IQSEC1: variants seen among roughly 807,000 people sequenced by gnomAD.
The protein encoded by IQSEC1 is IQ motif and SEC7 domain-containing protein 1.
IQSEC1 carries 31 observed loss-of-function variants against 91.0 expected under a neutral mutation model. The observed-to-expected ratio is 0.34, with a 90% CI of 0.26 to 0.46. The LOEUF (loss-of-function observed/expected upper bound fraction) is 0.46. Ranked by LOEUF, IQSEC1 falls within the 20% of genes least tolerant of loss-of-function variation. The probability of loss-of-function intolerance (pLI) is 1.00; values close to 1 mark genes in which losing one functional copy is unlikely to be tolerated. For synonymous variants in IQSEC1, 699 were observed against 662.6 expected (o/e 1.05, Z -0.84); for missense variants, 1,388 against 1,575.6 (o/e 0.88, Z 2.02).
intron 1 of IQSEC1, among the ~76,000 whole-genome samples, chr3:13,205,448 G>A (rs1417659715): frequency 2.0e-5 from 3 of 151,890 alleles, no homozygotes; most frequent in Non-Finnish European, 4.4e-5. Flanking sequence ...GATGCTTCCG[G>A]ACCACCTCAT....
rs985116998 is a variant in IQSEC1, at chr3:12,900,786, C to T, written c.*197G>A. On this transcript the variant is annotated 3_prime_UTR_variant, in exon 14 of 14. Coordinates refer to ENST00000613206, the MANE Select transcript of IQSEC1 (RefSeq NM_001134382.3). Reference sequence around the variant, plus strand: ...AGGTGAGCAGAGCCCAGGGTGCCAACAAGAAATGAAATCTGGGCCTTTGTT... The same window carrying T: ...AGGTGAGCAGAGCCCAGGGTGCCAATAAGAAATGAAATCTGGGCCTTTGTT... The T allele has an allele frequency of 1.0e-5, 15 of 1,447,258 alleles. No individual in the cohort carries two copies. Among genetic ancestry groups the T allele is most frequent in the African/African-American group, 4.3e-5 (3 of 70,124 alleles). 89.7% of individuals were successfully genotyped at this position (1,447,258 alleles called of 1,614,324 possible).
chr3:12,924,441 C>T lies in IQSEC1; in HGVS notation c.1730+140G>A, dbSNP rs1454340338. 3 of 832,682 alleles carry T rather than the reference C, an allele frequency of 3.6e-6. No individual in the cohort carries two copies. Among genetic ancestry groups the T allele is most frequent in the African/African-American group, 3.5e-5 (2 of 56,728 alleles). 51.6% of individuals were successfully genotyped at this position (832,682 alleles called of 1,614,324 possible). On this transcript the variant is annotated intron_variant, in intron 4 of 13. Transcript: ENST00000613206. The surrounding 1 kb of genome is among the most constrained non-coding windows in gnomAD (Gnocchi z 6.3). ...GGCATCTGCATGTGTGTGTCTAGGACTTAGGAAGAGAGAAAGGGGGGCCCA... is the reference window on the plus strand; with the variant it reads ...GGCATCTGCATGTGTGTGTCTAGGATTTAGGAAGAGAGAAAGGGGGGCCCA...
At chr3:13,135,341 G>A (rs1706689535) in intron 2 of IQSEC1, among the ~76,000 whole-genome samples, 1 of 152,248 alleles carries the variant, frequency 6.6e-6, no homozygotes, top group South Asian at 2.1e-4. Flanking sequence ...TGGGGCTCAG[G>A]AGTGGAGCCT....
chr3:13,026,037 C>T (rs1052042784), intron 1 of IQSEC1, among the ~76,000 whole-genome samples: 4 of 152,232 alleles, frequency 2.6e-5, no homozygotes, highest in Admixed American at 6.5e-5. Context: ...GACTGCAGCT[C>T]CCAGGCTCCC....
chr3:12,996,823 T>C (rs1290003826), intron 1 of IQSEC1, among the ~76,000 whole-genome samples: 1 of 152,178 alleles, frequency 6.6e-6, no homozygotes, highest in Non-Finnish European at 1.5e-5. Context: ...ATTAAAGAAA[T>C]ACAAATCAAA....
chr3:13,261,812 A>G (rs987570402), intron 1 of IQSEC1, among the ~76,000 whole-genome samples: 46 of 152,258 alleles, frequency 3.0e-4, no homozygotes, highest in African/African-American at 1.0e-3. Flanking sequence ...ATGGCACTCA[A>G]TGCTACAAGC....
intron 1 of IQSEC1, chr3:13,042,513 G>A (rs1224055345): frequency 6.6e-6 from 1 of 152,378 alleles, no homozygotes; most frequent in East Asian, 1.9e-4. Flanking sequence ...GCCCGGCGCA[G>A]CTTGTACAGT....
intron 1 of IQSEC1, among the ~76,000 whole-genome samples, chr3:12,964,928 T>G (rs1700468190): frequency 6.6e-6 from 1 of 152,236 alleles, no homozygotes; most frequent in African/African-American, 2.4e-5. Context: ...TCACACTGTT[T>G]GACTATGCAG....
intron 1 of IQSEC1, among the ~76,000 whole-genome samples, chr3:13,014,076 T>C (rs458459): frequency 0.77 from 116,762 of 152,126 alleles, 45,735 homozygotes; most frequent in African/African-American, 0.9. Context: ...AAAGGCAGGT[T>C]GCTGCTGGAG....
chr3:13,264,182 G>C (rs1695443416), intron 1 of IQSEC1, among the ~76,000 whole-genome samples: 1 of 152,188 alleles, frequency 6.6e-6, no homozygotes, highest in Non-Finnish European at 1.5e-5. Flanking sequence ...CCAAGCACAG[G>C]CTCCTGTGTT....
rs757831215 is a variant in IQSEC1, at chr3:13,219,593, C to T, written c.273-55460G>A. The stretch of plus-strand genomic sequence containing the variant: ...CCACCCGGCGGTCTTCGGGGATCAG[C>T]GGAGGTGTGAAAGTGGATGCATTAG... On this transcript the variant is annotated intron_variant, in intron 1 of 15. Transcript: ENST00000648114. Among the ~76,000 whole-genome samples the T allele has an allele frequency of 3.3e-5, 5 of 152,364 alleles. No individual in the cohort carries two copies. In the East Asian group the frequency reaches 7.7e-4, roughly 23 times the overall value.
chr3:12,900,965 G>T lies in IQSEC1; in HGVS notation c.*18C>A, dbSNP rs777703972. On this transcript the variant is annotated 3_prime_UTR_variant, in exon 14 of 14. Transcript: ENST00000613206. The stretch of plus-strand genomic sequence containing the variant: ...TGTGCAGGTGTTTCAGGGAGCCTGG[G>T]ACCCCTACCCAGGCTGTCTACACAA... 3.2e-6 allele frequency: 5 copies of T among 1,541,830 alleles called. No homozygotes were observed. The highest frequency in any genetic ancestry group is 4.4e-6 in the Non-Finnish European group (5 of 1,146,690).
chr3:12,998,942 C>T (rs1383436959), intron 1 of IQSEC1, among the ~76,000 whole-genome samples: 1 of 152,040 alleles, frequency 6.6e-6, no homozygotes, highest in African/African-American at 2.4e-5. Flanking sequence ...TGAAGCTTTG[C>T]CCCCCTAGAC....
chr3:13,131,478 CTTTTTTT>C (rs61345195), intron 2 of IQSEC1, among the ~76,000 whole-genome samples: 7 of 81,706 alleles, frequency 8.6e-5, no homozygotes, highest in Non-Finnish European at 1.1e-4. Flanking sequence ...AAATCTATGT[CTTTTTTT>C]TTTTTTTTTT....
intron 1 of IQSEC1, among the ~76,000 whole-genome samples, chr3:13,061,373 G>C (rs556371454): frequency 2.0e-5 from 3 of 152,324 alleles, no homozygotes; most frequent in Admixed American, 2.0e-4. Flanking sequence ...CAATGCCCTA[G>C]GCAGTTTTAA....
At chr3:13,070,729 C>A (rs1260598557) in intron 1 of IQSEC1, among the ~76,000 whole-genome samples, 1 of 152,192 alleles carries the variant, frequency 6.6e-6, no homozygotes, top group Non-Finnish European at 1.5e-5. Context: ...CTGGGAGTCA[C>A]AATGCTCAGA....
intron 1 of IQSEC1, among the ~76,000 whole-genome samples, chr3:13,036,261 T>A (rs530007806): frequency 2.8e-4 from 43 of 152,216 alleles, no homozygotes; most frequent in African/African-American, 1.0e-3. Context: ...CCTGGATTGA[T>A]AAACTGCACT....
At chr3:12,964,912 C>T (rs1162912150) in intron 1 of IQSEC1, among the ~76,000 whole-genome samples, 1 of 152,192 alleles carries the variant, frequency 6.6e-6, no homozygotes, top group Non-Finnish European at 1.5e-5. Context: ...TCTATTTGCC[C>T]AGTTGTCACA....
Position 12,922,075 on chromosome 3 carries a change from A to G in IQSEC1, c.1853+45T>C, listed in dbSNP as rs2125183876. 6.6e-7 allele frequency: 1 copy of G among 1,525,906 alleles called. No homozygotes were observed. The highest frequency in any genetic ancestry group is 1.2e-5 in the South Asian group (1 of 81,476). 94.5% of individuals were successfully genotyped at this position (1,525,906 alleles called of 1,614,324 possible). ...TCCTCGGGCCCTGAAGCTGGGGGACACCATTCTTCCCTGATGCAGCAGCCC... is the reference window on the plus strand; with the variant it reads ...TCCTCGGGCCCTGAAGCTGGGGGACGCCATTCTTCCCTGATGCAGCAGCCC... On this transcript the variant is annotated intron_variant, in intron 5 of 13. Coordinates refer to ENST00000613206, the MANE Select transcript of IQSEC1 (RefSeq NM_001134382.3). This position sits in a 1 kb window ranked among gnomAD's most constrained non-coding sequence, Gnocchi z 5.1.
Sources: gnomAD v4.1 joint callset for allele counts (sites outside exome capture counted in the v4.1 genomes callset) on GRCh38, gnomAD v4.1.1 for gene constraint, Gnocchi (gnomAD v3.1) non-coding constraint, MANE v1.5 for transcripts, NCBI Gene and HGNC (gene_info 2026-07-23, HGNC 2026-07-21) for gene names.